RNF130: variants seen among roughly 807,000 people sequenced by gnomAD.
RNF130 encodes the protein ring finger protein 130.
A neutral mutation model predicts 44.6 loss-of-function variants in RNF130; 21 were observed. The ratio of observed to expected loss-of-function variants is 0.47; its 90% confidence interval spans 0.33 to 0.68. The LOEUF (loss-of-function observed/expected upper bound fraction) is 0.68. Ranked by LOEUF, RNF130 falls within the 30% of genes least tolerant of loss-of-function variation. The probability of loss-of-function intolerance (pLI) is 0.02; values close to 1 mark genes in which losing one functional copy is unlikely to be tolerated. For missense variants in RNF130, 479 were observed against 560.6 expected (o/e 0.85, Z 1.47); for synonymous variants, 214 against 210.4 (o/e 1.02, Z -0.15).
At chr5:180,020,121 G>C (rs1212270304) in intron 2 of RNF130, among the ~76,000 whole-genome samples, 1 of 152,166 alleles carries the variant, frequency 6.6e-6, no homozygotes, top group Non-Finnish European at 1.5e-5. Context: ...TTTGCAACTC[G>C]AGATGTAACA....
chr5:179,994,137 T>C (rs1763152874), intron 3 of RNF130, among the ~76,000 whole-genome samples: 1 of 152,234 alleles, frequency 6.6e-6, no homozygotes, highest in Non-Finnish European at 1.5e-5. Context: ...AGCCTTGTAG[T>C]ATAGTTTGAA....
intron 2 of RNF130, among the ~76,000 whole-genome samples, chr5:180,028,650 G>A (rs1035757593): frequency 2.0e-5 from 3 of 152,134 alleles, no homozygotes; most frequent in African/African-American, 7.2e-5. Flanking sequence ...TACTTCAGGC[G>A]TGTGTGTTTC....
chr5:179,925,374 T>C (rs553500850), intron 7 of RNF130, among the ~76,000 whole-genome samples: 2 of 152,208 alleles, frequency 1.3e-5, no homozygotes, highest in African/African-American at 2.4e-5. Flanking sequence ...GCTAAACACG[T>C]AGAGGTACCG....
At chr5:179,955,922 G>A in intron 8 of RNF130, 1 of 384,226 alleles carries the variant, frequency 2.6e-6, no homozygotes, top group African/African-American at 2.1e-5. Context: ...CCCATGGCGT[G>A]TTGTTTAAAT....
intron 1 of RNF130, among the ~76,000 whole-genome samples, chr5:180,061,093 A>AC (rs397754353): frequency 6.7e-6 from 1 of 149,702 alleles, no homozygotes; most frequent in Non-Finnish European, 1.5e-5. Flanking sequence ...AAAAAAAAAA[A>AC]GCTATGTTCA....
chr5:180,065,635 C>A (rs983546805), intron 1 of RNF130, among the ~76,000 whole-genome samples: 1 of 151,970 alleles, frequency 6.6e-6, no homozygotes. Context: ...TGGTGGGCAC[C>A]TGTAATCCCA....
At chr5:179,988,674 T>C (rs1006298287) in intron 3 of RNF130, among the ~76,000 whole-genome samples, 6 of 152,246 alleles carry the variant, frequency 3.9e-5, no homozygotes, top group Non-Finnish European at 7.3e-5. Context: ...AGTGATCATG[T>C]TGTTTAGTTT....
At chr5:179,967,064 A>G (rs1213480451) in intron 6 of RNF130, 54 bp from the exon 7 acceptor site, 2 of 1,494,116 alleles carry the variant, frequency 1.3e-6, no homozygotes, top group East Asian at 2.3e-5. Flanking sequence ...AACCTTTCAT[A>G]AGATTCTAAA....
At chr5:179,983,113 T>C (rs185666703) in intron 3 of RNF130, among the ~76,000 whole-genome samples, 179 of 152,330 alleles carry the variant, frequency 1.2e-3, no homozygotes, top group African/African-American at 3.9e-3. Context: ...TAAAAATCCT[T>C]TTGCATGTAT....
chr5:179,959,580 T>A (rs931771074), intron 8 of RNF130, among the ~76,000 whole-genome samples: 9 of 150,258 alleles, frequency 6.0e-5, no homozygotes, highest in Admixed American at 3.3e-4. Flanking sequence ...TGAGCTGAGA[T>A]GGCGCCACTG....
intron 7 of RNF130, among the ~76,000 whole-genome samples, chr5:179,965,903 T>C (rs1275494444): frequency 6.6e-6 from 1 of 152,174 alleles, no homozygotes; most frequent in East Asian, 1.9e-4. Context: ...TGTAACAGTG[T>C]CATCCATTTC....
chr5:179,984,191 G>A (rs1032521936), intron 3 of RNF130, among the ~76,000 whole-genome samples: 7 of 151,926 alleles, frequency 4.6e-5, no homozygotes, highest in East Asian at 1.9e-4. Flanking sequence ...TCTTCTACAC[G>A]AAATTTCTAC....
intron 1 of RNF130, among the ~76,000 whole-genome samples, chr5:180,068,700 T>C (rs1041444405): frequency 3.9e-5 from 6 of 152,242 alleles, no homozygotes; most frequent in Admixed American, 1.3e-4. Context: ...CATAAATCAA[T>C]CCACAGCTTC....
At chr5:179,926,205 C>G (rs908099228) in intron 7 of RNF130, among the ~76,000 whole-genome samples, 1 of 152,216 alleles carries the variant, frequency 6.6e-6, no homozygotes, top group Non-Finnish European at 1.5e-5. Flanking sequence ...TCCAGTCATA[C>G]AGGCAAGAGG....
At chr5:179,976,709 A>G (rs974341885) in intron 5 of RNF130, 13 of 150,596 alleles carry the variant, frequency 8.6e-5, no homozygotes, top group African/African-American at 3.2e-4. Flanking sequence ...TTTTTTTTTA[A>G]AAACAGATCT....
chr5:180,014,838 T>C (rs1763681716), intron 2 of RNF130, among the ~76,000 whole-genome samples: 1 of 151,988 alleles, frequency 6.6e-6, no homozygotes, highest in Admixed American at 6.6e-5. Flanking sequence ...ACAGGAACAT[T>C]AGCTAGGCAT....
At chr5:179,978,727 C>T (rs868597150) in intron 4 of RNF130, among the ~76,000 whole-genome samples, 1 of 152,142 alleles carries the variant, frequency 6.6e-6, no homozygotes, top group African/African-American at 2.4e-5. Flanking sequence ...AGTTGAGTCC[C>T]AGCAGACTGC....
chr5:180,060,151 C>T (rs774969649), intron 1 of RNF130, among the ~76,000 whole-genome samples: 2 of 152,174 alleles, frequency 1.3e-5, no homozygotes, highest in African/African-American at 4.8e-5. Flanking sequence ...TCCAAAGCCA[C>T]GCAGTCTTGC....
chr5:179,947,205 C>A (rs1329125022), intron 7 of RNF130, among the ~76,000 whole-genome samples: 1 of 152,180 alleles, frequency 6.6e-6, no homozygotes, highest in Middle Eastern at 3.2e-3. Flanking sequence ...ACTAGCAATT[C>A]TATCTTTAGT....
Sources: allele counts gnomAD v4.1 joint callset (sites outside exome capture counted in the v4.1 genomes callset), GRCh38; gene constraint gnomAD v4.1.1; transcripts MANE v1.5; gene names NCBI Gene and HGNC (gene_info 2026-07-23, HGNC 2026-07-21).